Variants in EIF5B observed in about 807,000 individuals in gnomAD.
EIF5B encodes the protein eukaryotic translation initiation factor 5B.
A neutral mutation model predicts 147.5 loss-of-function variants in EIF5B; 47 were observed. The ratio of observed to expected loss-of-function variants is 0.32; its 90% CI spans 0.25 to 0.41. The LOEUF (loss-of-function observed/expected upper bound fraction) is 0.41, where lower values mean the gene tolerates loss of function less well. Among genes scored for constraint, EIF5B ranks in the 10% least tolerant of loss-of-function variants. EIF5B has a pLI of 1.00. For synonymous variants in EIF5B, 455 were observed against 456.2 expected (o/e 1.00, Z 0.03); for missense variants, 1,064 against 1,413.2 (o/e 0.75, Z 3.96).
In EIF5B at chr2:99,386,465, TTGCGTGTGTG is replaced by T. The variant is rs1419371033; in HGVS notation, c.2272-3250_2272-3241del. Among the ~76,000 whole-genome samples, 132 of 114,650 alleles carry T rather than the reference TTGCGTGTGTG, an allele frequency of 1.2e-3. 1 individual carries two copies. The highest frequency in any genetic ancestry group is 3.9e-3 in the African/African-American group (103 of 26,444). The allele number at this position is 114,650 out of a possible 152,430, so 75.2% of individuals were successfully genotyped here. A position where few individuals can be genotyped will look rare whatever the true frequency, so the allele number is the denominator to read the frequency against. On this transcript the variant is annotated intron_variant, in intron 14 of 23. Coordinates refer to ENST00000289371, the MANE Select transcript of EIF5B (RefSeq NM_015904.4). ...GGTTTTTCATTTTCTTTGTTTTGTT[TTGCGTGTGTG>T]TGTGTGTGTGTGTGTGTGTGTGTGT...
chr2:99,345,466 T>C (rs1181888842), intron 1 of EIF5B, among the ~76,000 whole-genome samples: 1 of 151,872 alleles, frequency 6.6e-6, no homozygotes, highest in Non-Finnish European at 1.5e-5. Context: ...TGGTGGTGCA[T>C]GCCTATAATC....
At position 99,361,366 on chromosome 2, in the gene EIF5B, A is replaced by G; in HGVS notation, c.465A>G (p.Gln155=). The change falls in exon 4 of 24, where the codon CAA becomes CAG. Residue 155 remains glutamine (Q), a synonymous_variant. Coordinates refer to ENST00000289371, the MANE Select transcript of EIF5B (RefSeq NM_015904.4). The stretch of plus-strand genomic sequence containing the variant: ...CTAAAAAAGCTAAAGGGAAAGCTCA[A>G]AAATCAAATAAGAAGTGGGATGGGT... The part of the protein sequence containing the change: ...KLPKKAKGKA[Q]KSNKKWDGSE... 4 of 1,611,664 alleles carry G rather than the reference A, an allele frequency of 2.5e-6. No individual in the cohort carries two copies. Among genetic ancestry groups the G allele is most frequent in the Non-Finnish European group, 3.4e-6 (4 of 1,179,480 alleles).
chr2:99,393,799 T>A (rs921056458), intron 18 of EIF5B, among the ~76,000 whole-genome samples: 1 of 152,220 alleles, frequency 6.6e-6, no homozygotes, highest in Non-Finnish European at 1.5e-5. Flanking sequence ...TTGTTTTACT[T>A]ATTTCTGGTT....
intron 1 of EIF5B, among the ~76,000 whole-genome samples, chr2:99,341,246 A>T (rs941270938): frequency 6.6e-6 from 1 of 152,202 alleles, no homozygotes. Flanking sequence ...TTACTTGCAT[A>T]TATTTGAATG....
In EIF5B at chr2:99,396,752, C is replaced by T. The variant is rs1337200156; in HGVS notation, c.3255-8C>T. The stretch of plus-strand genomic sequence containing the variant: ...TAAGCTTAAAATTCTTTTCTTTTTT[C>T]CTTTCAGGCACATAGCAGTATTTCC... On this transcript the variant is annotated splice_polypyrimidine_tract_variant and splice_region_variant and intron_variant, in intron 21 of 23. Transcript: ENST00000289371. 5.7e-6 allele frequency: 9 copies of T among 1,579,416 alleles called. No individual in the cohort carries two copies. The highest frequency in any genetic ancestry group is 4.5e-5 in the East Asian group (2 of 44,492).
chr2:99,342,248 T>C (rs986506972), intron 1 of EIF5B, among the ~76,000 whole-genome samples: 9 of 152,134 alleles, frequency 5.9e-5, no homozygotes, highest in African/African-American at 1.9e-4. Flanking sequence ...TTTTTTTAAA[T>C]GTAATACTTG....
At chr2:99,379,557 CTATTTTG>C in intron 12 of EIF5B, 129 bp downstream of exon 12, 3 of 621,848 alleles carry the variant, frequency 4.8e-6, no homozygotes, top group Non-Finnish European at 8.0e-6. Flanking sequence ...TTAACATGTA[CTATTTTG>C]CCTATTTTGC....
intron 8 of EIF5B, among the ~76,000 whole-genome samples, chr2:99,369,820 CA>C (rs1674407482): frequency 6.6e-6 from 1 of 151,956 alleles, no homozygotes; most frequent in Admixed American, 6.6e-5. Context: ...ACTAAAAATA[CA>C]AAAAATTAGC....
chr2:99,374,861 C>T (rs1674530904), intron 9 of EIF5B, among the ~76,000 whole-genome samples: 1 of 151,936 alleles, frequency 6.6e-6, no homozygotes, highest in African/African-American at 2.4e-5. Flanking sequence ...GATAGGCCCT[C>T]TTATTGTATC....
At chr2:99,386,741 T>C (rs2104239898) in intron 14 of EIF5B, among the ~76,000 whole-genome samples, 1 of 152,140 alleles carries the variant, frequency 6.6e-6, no homozygotes, top group South Asian at 2.1e-4. Flanking sequence ...GTGTGTGTTT[T>C]AGTAAAGATG....
At chr2:99,383,896 T>C (rs1263471341) in intron 14 of EIF5B, among the ~76,000 whole-genome samples, 1 of 152,204 alleles carries the variant, frequency 6.6e-6, no homozygotes, top group Non-Finnish European at 1.5e-5. Context: ...GGTTGGTGAC[T>C]TTAAGTTGAA....
Position 99,360,512 on chromosome 2 carries a change from A to G in EIF5B, c.209A>G (p.Gln70Arg). Residue 70 changes from glutamine to arginine, a missense_variant, in exon 3 of 24, where the codon CAA (glutamine) becomes CGA (arginine). Gln to Arg is a conservative substitution (Grantham distance 43). Coordinates refer to ENST00000289371, the MANE Select transcript of EIF5B (RefSeq NM_015904.4). ...CTGGAAGAATTGTCTTTGGAAGCTCAAGGCATCAAAGCTGACAGAGAAACT... is the reference window on the plus strand; with the variant it reads ...CTGGAAGAATTGTCTTTGGAAGCTCGAGGCATCAAAGCTGACAGAGAAACT... ...KELEELSLEA[Q>R]GIKADRETVA... is the part of the protein sequence containing the mutation. 6.2e-7 allele frequency: 1 copy of G among 1,613,784 alleles called. No homozygotes were observed.
intron 6 of EIF5B, among the ~76,000 whole-genome samples, chr2:99,365,309 G>T (rs1200349541): frequency 6.6e-6 from 1 of 152,058 alleles, no homozygotes; most frequent in Non-Finnish European, 1.5e-5. Flanking sequence ...AGAAATGGTG[G>T]TTCAGAGTGT....
chr2:99,390,684 T>C lies in EIF5B; in HGVS notation c.2727T>C (p.Pro909=). ...TTCGAGGCCTCCTGTTACCTCCTCC[T>C]ATGAAGGAATTACGAGTGAAGGTAT... The part of the protein sequence containing the change: ...TQIRGLLLPP[P]MKELRVKNQY... Residue 909 remains proline (P), a synonymous_variant, in exon 17 of 24, where the codon CCT becomes CCC. Coordinates refer to ENST00000289371, the MANE Select transcript of EIF5B (RefSeq NM_015904.4). 3.1e-6 allele frequency: 5 copies of C among 1,604,882 alleles called. No individual in the cohort carries two copies. Among genetic ancestry groups the C allele is most frequent in the Non-Finnish European group, 4.3e-6 (5 of 1,172,272 alleles).
intron 6 of EIF5B, among the ~76,000 whole-genome samples, chr2:99,364,831 A>G (rs1464496488): frequency 1.3e-4 from 20 of 152,230 alleles, no homozygotes; most frequent in Non-Finnish European, 1.0e-4. Flanking sequence ...ATTCCCAGAC[A>G]GCATATTAGT....
intron 1 of EIF5B, among the ~76,000 whole-genome samples, chr2:99,343,840 T>C (rs140355355): frequency 1.5e-4 from 23 of 152,104 alleles, no homozygotes; most frequent in African/African-American, 5.5e-4. Context: ...ACAAAACTTT[T>C]ATTGCCTTAT....
At chr2:99,368,978 A>G (rs980005528) in intron 7 of EIF5B, among the ~76,000 whole-genome samples, 3 of 152,250 alleles carry the variant, frequency 2.0e-5, no homozygotes, top group Admixed American at 1.3e-4. Flanking sequence ...ACTTGAAGAA[A>G]TAGGTTTGCA....
Position 99,352,503 on chromosome 2 carries a change from C to A in EIF5B, c.36-7733C>A, listed in dbSNP as rs573741224. Reference sequence around the variant, plus strand: ...AGCCACCGTGCCCAGCCTGTCTTGCCTTTTCATTTTGCTAATTGTGTCTTT... The same window carrying A: ...AGCCACCGTGCCCAGCCTGTCTTGCATTTTCATTTTGCTAATTGTGTCTTT... On this transcript the variant is annotated intron_variant, in intron 1 of 23. Coordinates refer to ENST00000289371, the MANE Select transcript of EIF5B (RefSeq NM_015904.4). 2.0e-5 allele frequency among the ~76,000 whole-genome samples: 3 copies of A among 150,150 alleles called. No individual in the cohort carries two copies. In the South Asian group the frequency reaches 6.3e-4, roughly 32 times the overall value.
chr2:99,394,419 C>G, intron 19 of EIF5B, 21 bp downstream of exon 19: 2 of 1,613,596 alleles, frequency 1.2e-6, no homozygotes, highest in Non-Finnish European at 1.7e-6. Context: ...ACAACTCGCT[C>G]CACAAGTGAA....
Sources: allele counts gnomAD v4.1 joint callset (sites outside exome capture counted in the v4.1 genomes callset), GRCh38; gene constraint gnomAD v4.1.1; transcripts MANE v1.5; gene names NCBI Gene and HGNC (gene_info 2026-07-23, HGNC 2026-07-21).